The following MAN2A1 variants were observed in gnomAD, a reference collection of about 807,000 sequenced individuals.
MAN2A1 encodes alpha-mannosidase 2.
A neutral mutation model predicts 142.6 loss-of-function variants in MAN2A1; 76 were observed. That is an observed-to-expected ratio of 0.53 (90% CI 0.44 to 0.65). The LOEUF is 0.65. Ranked by LOEUF, MAN2A1 falls within the 30% of genes least tolerant of loss-of-function variation. The pLI is 0.00. For missense variants in MAN2A1, 1,311 were observed against 1,365.1 expected (o/e 0.96, Z 0.62); for synonymous variants, 559 against 473.2 (o/e 1.18, Z -2.35).
At chr5:109,815,752 T>C (rs1754439100) in intron 12 of MAN2A1, among the ~76,000 whole-genome samples, 1 of 152,184 alleles carries the variant, frequency 6.6e-6, no homozygotes, top group African/African-American at 2.4e-5. Context: ...AGCAAAAATA[T>C]ATAGAACACA....
intron 3 of MAN2A1, among the ~76,000 whole-genome samples, chr5:109,726,070 G>C (rs1751735967): frequency 6.6e-6 from 1 of 152,030 alleles, no homozygotes; most frequent in South Asian, 2.1e-4. Context: ...TAAATTGAAA[G>C]GTATTCTTAA....
At chr5:109,747,471 A>G (rs531242481) in intron 4 of MAN2A1, among the ~76,000 whole-genome samples, 4 of 152,198 alleles carry the variant, frequency 2.6e-5, no homozygotes, top group South Asian at 4.1e-4. Context: ...AGTTAACTTG[A>G]CTAATCTCTT....
chr5:109,727,332 C>A (rs555372468), intron 3 of MAN2A1, among the ~76,000 whole-genome samples: 3 of 152,200 alleles, frequency 2.0e-5, no homozygotes, highest in Admixed American at 6.6e-5. Flanking sequence ...CTCCTTGTGT[C>A]TTTGCATGGT....
intron 9 of MAN2A1, among the ~76,000 whole-genome samples, chr5:109,781,978 A>G (rs187722356): frequency 3.9e-4 from 60 of 152,296 alleles, no homozygotes; most frequent in Middle Eastern, 6.8e-3. Flanking sequence ...AACATAGGTG[A>G]GCATCAAAGA....
intron 6 of MAN2A1, among the ~76,000 whole-genome samples, chr5:109,768,846 CAA>C (rs1437230014): frequency 6.6e-6 from 1 of 152,044 alleles, no homozygotes; most frequent in Non-Finnish European, 1.5e-5. Context: ...ATTTGAAAAA[CAA>C]AGAATTTGAA....
chr5:109,712,376 C>G (rs1199496334), intron 1 of MAN2A1, among the ~76,000 whole-genome samples: 1 of 152,156 alleles, frequency 6.6e-6, no homozygotes, highest in Non-Finnish European at 1.5e-5. Context: ...ACTTTATCTT[C>G]TGAAAATACC....
At chr5:109,796,783 G>T (rs533500711) in intron 12 of MAN2A1, among the ~76,000 whole-genome samples, 7 of 152,260 alleles carry the variant, frequency 4.6e-5, no homozygotes, top group African/African-American at 1.4e-4. Flanking sequence ...GGAAACTTGC[G>T]ATCAGGCTGG....
At chr5:109,792,222 G>A (rs1370264074) in intron 12 of MAN2A1, among the ~76,000 whole-genome samples, 1 of 151,970 alleles carries the variant, frequency 6.6e-6, no homozygotes, top group Non-Finnish European at 1.5e-5. Context: ...TAAAAGTATT[G>A]TTATCTTTTT....
chr5:109,868,508 C>G lies in MAN2A1; in HGVS notation c.*1510C>G, dbSNP rs895242039. 4.6e-5 allele frequency: 7 copies of G among 152,282 alleles called. No homozygotes were observed. Among genetic ancestry groups the G allele is most frequent in the African/African-American group, 1.4e-4 (6 of 41,556 alleles). 9.4% of individuals were successfully genotyped at this position (152,282 alleles called of 1,614,324 possible). ...TGTGGCTTTCAACCTCCATTTACCT[C>G]TTGTCATTCCAACATCTTTATAGAG... On this transcript the variant is annotated 3_prime_UTR_variant, in exon 22 of 22. Coordinates refer to ENST00000261483, the MANE Select transcript of MAN2A1 (RefSeq NM_002372.4).
chr5:109,823,956 A>G, intron 16 of MAN2A1, 119 bp downstream of exon 16: 1 of 519,264 alleles, frequency 1.9e-6, no homozygotes. Context: ...TCTAAACTTG[A>G]CATTTTTAAT....
At chr5:109,845,818 C>T in intron 17 of MAN2A1, 47 bp from the exon 18 acceptor site, 1 of 1,512,910 alleles carries the variant, frequency 6.6e-7, no homozygotes, top group South Asian at 1.3e-5. Flanking sequence ...TTTAAAAGAA[C>T]ATATGTAAAT....
At chr5:109,820,578 G>T (rs1274099053) in intron 15 of MAN2A1, among the ~76,000 whole-genome samples, 1 of 152,190 alleles carries the variant, frequency 6.6e-6, no homozygotes, top group Non-Finnish European at 1.5e-5. Context: ...GGAGGCCAAG[G>T]AGGGTAGATT....
At chr5:109,824,211 T>C (rs528061611) in intron 16 of MAN2A1, among the ~76,000 whole-genome samples, 1 of 152,328 alleles carries the variant, frequency 6.6e-6, no homozygotes, top group South Asian at 2.1e-4. Context: ...CCTGCTTCCT[T>C]AAATATAGCC....
chr5:109,818,984 A>G (rs1380974971), intron 13 of MAN2A1, among the ~76,000 whole-genome samples: 1 of 152,222 alleles, frequency 6.6e-6, no homozygotes, highest in Non-Finnish European at 1.5e-5. Context: ...ATAAAATGGC[A>G]TAGTACAGAT....
At chr5:109,785,327 A>G (rs1346270520) in intron 10 of MAN2A1, among the ~76,000 whole-genome samples, 1 of 151,772 alleles carries the variant, frequency 6.6e-6, no homozygotes, top group South Asian at 2.1e-4. Context: ...ATCCTATTTC[A>G]TATCCAATTG....
intron 15 of MAN2A1, among the ~76,000 whole-genome samples, chr5:109,822,826 C>T (rs776186112): frequency 1.1e-4 from 17 of 152,010 alleles, no homozygotes; most frequent in Admixed American, 6.5e-4. Flanking sequence ...TACAGGCACC[C>T]GCCACCAAGT....
intron 17 of MAN2A1, among the ~76,000 whole-genome samples, chr5:109,844,291 T>A (rs1330634673): frequency 1.3e-5 from 2 of 152,204 alleles, no homozygotes; most frequent in African/African-American, 4.8e-5. Context: ...GCTTTTAAAA[T>A]TGACCATTTT....
intron 1 of MAN2A1, among the ~76,000 whole-genome samples, chr5:109,703,619 A>G (rs1582803725): frequency 6.6e-6 from 1 of 152,236 alleles, no homozygotes; most frequent in African/African-American, 2.4e-5. Flanking sequence ...AAATCCTGCA[A>G]AGAATAGTGT....
intron 8 of MAN2A1, among the ~76,000 whole-genome samples, chr5:109,778,629 C>T (rs1260213043): frequency 2.0e-5 from 3 of 151,980 alleles, no homozygotes; most frequent in Non-Finnish European, 4.4e-5. Flanking sequence ...ATGATTGAAC[C>T]AGTACCCCAA....
Sources: allele counts gnomAD v4.1 joint callset (sites outside exome capture counted in the v4.1 genomes callset), GRCh38; gene constraint gnomAD v4.1.1; transcripts MANE v1.5; gene names NCBI Gene and HGNC (gene_info 2026-07-23, HGNC 2026-07-21).